TPO: variants seen among roughly 807,000 people sequenced by gnomAD.
TPO encodes the protein thyroid microsomal antigen.
TPO carries 78 observed loss-of-function variants against 96.9 expected under a neutral mutation model. The observed-to-expected ratio is 0.81, with a 90% confidence interval of 0.67 to 0.97. The LOEUF is 0.97. TPO is among the 50% of genes least tolerant of loss of function. The pLI is 0.00. For missense variants in TPO, 1,252 were observed against 1,274.8 expected, an observed-to-expected ratio of 0.98 and a Z score of 0.27; for synonymous variants, 547 against 538.0, an observed-to-expected ratio of 1.02 and a Z score of -0.23.
chr2:1,501,435 A>G (rs1469408235), intron 13 of TPO, among the ~76,000 whole-genome samples: 1 of 151,062 alleles, frequency 6.6e-6, no homozygotes, highest in African/African-American at 2.4e-5. Context: ...CTTCCTGTCC[A>G]TCCTGGGAAG....
chr2:1,520,224 C>T (rs1313897529), intron 15 of TPO, among the ~76,000 whole-genome samples: 1 of 152,178 alleles, frequency 6.6e-6, no homozygotes, highest in Non-Finnish European at 1.5e-5. Context: ...ACCACCTACC[C>T]TGAGACCCCT....
chr2:1,406,453 C>G (rs1292123521), intron 1 of TPO, among the ~76,000 whole-genome samples: 1 of 152,212 alleles, frequency 6.6e-6, no homozygotes, highest in African/African-American at 2.4e-5. Context: ...TGAATATTGT[C>G]CACTAACCAG....
intron 14 of TPO, among the ~76,000 whole-genome samples, chr2:1,508,337 T>C (rs2125030100): frequency 6.6e-6 from 1 of 152,330 alleles, no homozygotes; most frequent in East Asian, 1.9e-4. Flanking sequence ...GATATTGGTC[T>C]AAAATTCTCT....
At chr2:1,529,841 C>T (rs1311865253) in intron 15 of TPO, among the ~76,000 whole-genome samples, 3 of 134,806 alleles carry the variant, frequency 2.2e-5, no homozygotes, top group East Asian at 2.6e-4. Flanking sequence ...ATCCCCCCGA[C>T]GCTGTGCAAC....
intron 15 of TPO, among the ~76,000 whole-genome samples, chr2:1,525,984 G>A (rs76698078): frequency 1.2e-5 from 1 of 85,880 alleles, no homozygotes; most frequent in Non-Finnish European, 2.2e-5. Context: ...CCCACTGTGA[G>A]CAACCTCCCC....
At chr2:1,522,255 C>T (rs1200447657) in intron 15 of TPO, among the ~76,000 whole-genome samples, 3 of 109,244 alleles carry the variant, frequency 2.7e-5, no homozygotes, top group Admixed American at 9.7e-5. Flanking sequence ...TGCCCGCCAC[C>T]GTGCCCTCAC....
chr2:1,452,309 CAGTT>C (rs1412574904), intron 5 of TPO, among the ~76,000 whole-genome samples: 1 of 152,132 alleles, frequency 6.6e-6, no homozygotes, highest in African/African-American at 2.4e-5. Context: ...GGTGGAGTTC[CAGTT>C]AGTTCCTTCA....
At chr2:1,452,228 T>A (rs1558302566) in intron 5 of TPO, among the ~76,000 whole-genome samples, 1 of 152,344 alleles carries the variant, frequency 6.6e-6, no homozygotes, top group East Asian at 1.9e-4. Context: ...TAAGCACGGA[T>A]CTATGACAGA....
intron 1 of TPO, among the ~76,000 whole-genome samples, chr2:1,408,202 G>A (rs537363163): frequency 2.0e-5 from 3 of 152,308 alleles, no homozygotes; most frequent in South Asian, 2.1e-4. Flanking sequence ...GCTGGATATC[G>A]TTTATGTGAG....
chr2:1,414,602 GC>G (rs1286253136), intron 2 of TPO, 100 bp downstream of exon 2: 1 of 1,098,004 alleles, frequency 9.1e-7, no homozygotes, highest in Admixed American at 2.0e-5. Flanking sequence ...GTCACTTTAG[GC>G]CCCTGTAGTG....
chr2:1,527,372 C>G (rs1183179834), intron 15 of TPO, among the ~76,000 whole-genome samples: 2 of 137,742 alleles, frequency 1.5e-5, no homozygotes, highest in African/African-American at 2.8e-5. Context: ...AATCCCCGCA[C>G]TGTGTGCAAC....
chr2:1,529,841 C>G (rs1311865253), intron 15 of TPO, among the ~76,000 whole-genome samples: 1 of 134,808 alleles, frequency 7.4e-6, no homozygotes, highest in Non-Finnish European at 1.6e-5. Flanking sequence ...ATCCCCCCGA[C>G]GCTGTGCAAC....
At chr2:1,520,467 C>G (rs887941038) in intron 15 of TPO, among the ~76,000 whole-genome samples, 7 of 152,194 alleles carry the variant, frequency 4.6e-5, no homozygotes, top group African/African-American at 1.7e-4. Flanking sequence ...TCAGCAAACA[C>G]GTTTCCTCTC....
Position 1,506,411 on chromosome 2 carries a change from G to T in TPO, c.2518+2332G>T, listed in dbSNP as rs530848429. Among the ~76,000 whole-genome samples, 27 of 152,302 alleles carry T rather than the reference G, an allele frequency of 1.8e-4. 1 individual carries two copies. In the South Asian group the frequency reaches 5.6e-3, roughly 32 times the overall value. Reference sequence around the variant, plus strand: ...TGGGTGTATACCCAGTAATGGGATTGCTGGGTCAAATGGTATTTCTAGTTC... The same window carrying T: ...TGGGTGTATACCCAGTAATGGGATTTCTGGGTCAAATGGTATTTCTAGTTC... On this transcript the variant is annotated intron_variant, in intron 14 of 16. Transcript: ENST00000329066.
At chr2:1,533,816 G>C (rs1300839292) in intron 15 of TPO, among the ~76,000 whole-genome samples, 20 of 19,502 alleles carry the variant, frequency 1.0e-3, no homozygotes, top group South Asian at 2.0e-3. Flanking sequence ...TCCCCAAATC[G>C]CCCCACTGTG....
At chr2:1,505,188 T>C (rs186621074) in intron 14 of TPO, among the ~76,000 whole-genome samples, 1 of 152,290 alleles carries the variant, frequency 6.6e-6, no homozygotes, top group Non-Finnish European at 1.5e-5. Flanking sequence ...TCTGGGGCTC[T>C]CAAGCTACAT....
At chr2:1,429,321 G>T (rs1379675579) in intron 3 of TPO, among the ~76,000 whole-genome samples, 1 of 152,166 alleles carries the variant, frequency 6.6e-6, no homozygotes, top group Non-Finnish European at 1.5e-5. Context: ...AGGTGCAGGA[G>T]CCATGCTTAT....
intron 8 of TPO, among the ~76,000 whole-genome samples, chr2:1,483,925 C>T (rs1305516911): frequency 2.0e-5 from 3 of 152,164 alleles, no homozygotes; most frequent in Non-Finnish European, 4.4e-5. Context: ...ACTTGCCTTC[C>T]TAAACTGGTA....
chr2:1,541,122 A>C, intron 16 of TPO: 1 of 1,187,804 alleles, frequency 8.4e-7, no homozygotes, highest in South Asian at 1.6e-5. Context: ...TTTATGTTTT[A>C]CCCCCTTACC....
Sources: allele counts gnomAD v4.1 joint callset (sites outside exome capture counted in the v4.1 genomes callset), GRCh38; gene constraint gnomAD v4.1.1; transcripts MANE v1.5; gene names NCBI Gene and HGNC (gene_info 2026-07-23, HGNC 2026-07-21).